Variants in LRRC4C observed in about 807,000 individuals in gnomAD.
The protein encoded by LRRC4C is leucine rich repeat containing 4C, also known as leucine-rich repeat-containing protein 4C.
Under a neutral mutation model 33.6 loss-of-function variants are expected in LRRC4C, and 5 were observed. That is an observed-to-expected ratio of 0.15 (90% confidence interval 0.08 to 0.31). The LOEUF (loss-of-function observed/expected upper bound fraction) is 0.31, where lower values mean the gene tolerates loss of function less well. Among genes scored for constraint, LRRC4C ranks in the 10% least tolerant of loss-of-function variants. The pLI, the probability that LRRC4C is intolerant of heterozygous loss-of-function variation, is 1.00. For synonymous variants in LRRC4C, 329 were observed against 302.0 expected (o/e 1.09, Z -0.93); for missense variants, 560 against 796.7 (o/e 0.70, Z 3.58).
intron 3 of LRRC4C, among the ~76,000 whole-genome samples, chr11:40,458,920 T>C (rs1040986299): frequency 6.6e-6 from 1 of 152,028 alleles, no homozygotes; most frequent in African/African-American, 2.4e-5. Context: ...GTTAATCAGT[T>C]AAGTTCTTTG....
chr11:40,154,043 G>A (rs1391874185), intron 5 of LRRC4C, among the ~76,000 whole-genome samples: 10 of 152,064 alleles, frequency 6.6e-5, no homozygotes, highest in Admixed American at 6.5e-4. Flanking sequence ...GAGGCACCAG[G>A]TAACCTATAA....
intron 2 of LRRC4C, among the ~76,000 whole-genome samples, chr11:40,911,876 G>A (rs923201338): frequency 2.4e-4 from 37 of 152,130 alleles, no homozygotes; most frequent in African/African-American, 7.2e-4. Context: ...TGAAAACCAC[G>A]GCACAAGAAC....
At chr11:40,842,150 C>T (rs1044562113) in intron 2 of LRRC4C, among the ~76,000 whole-genome samples, 1 of 152,174 alleles carries the variant, frequency 6.6e-6, no homozygotes, top group South Asian at 2.1e-4. Flanking sequence ...TTATCACTTA[C>T]ACCTGTTTGT....
At position 41,291,554 on chromosome 11, in the gene LRRC4C, A is replaced by C. The variant is rs75482370; in HGVS notation, c.-496+167877T>G. Among the ~76,000 whole-genome samples, 1,444 of 152,282 alleles carry C rather than the reference A, an allele frequency of 9.5e-3. 27 individuals carry two copies. The highest frequency in any genetic ancestry group is 0.025 in the African/African-American group (1,021 of 41,568). ...ATTTGGAGCTGGTCCTAACAATGGGAGAAGAAATATGGATAGAAATTGATT... is the reference window on the plus strand; with the variant it reads ...ATTTGGAGCTGGTCCTAACAATGGGCGAAGAAATATGGATAGAAATTGATT... On this transcript the variant is annotated intron_variant, in intron 1 of 6. Coordinates refer to ENST00000528697, the MANE Select transcript of LRRC4C (RefSeq NM_001258419.2).
At chr11:40,476,339 C>CTTCT (rs1555074954) in intron 3 of LRRC4C, among the ~76,000 whole-genome samples, 28,657 of 118,202 alleles carry the variant, frequency 0.24, 3,776 homozygotes, top group East Asian at 0.47. Context: ...CATTTTTTTT[C>CTTCT]TTCTTTTTTT....
chr11:40,256,756 T>G (rs1565194221), intron 4 of LRRC4C, among the ~76,000 whole-genome samples: 1 of 152,190 alleles, frequency 6.6e-6, no homozygotes. Flanking sequence ...CTTTCTTATC[T>G]TTACAGCCAG....
intron 2 of LRRC4C, among the ~76,000 whole-genome samples, chr11:40,836,569 T>A (rs1952676432): frequency 1.3e-5 from 2 of 152,168 alleles, no homozygotes; most frequent in South Asian, 4.1e-4. Flanking sequence ...CATTTCAGAT[T>A]TCTAAGCAAA....
chr11:40,343,004 C>A (rs1440821057), intron 3 of LRRC4C, among the ~76,000 whole-genome samples: 1 of 151,936 alleles, frequency 6.6e-6, no homozygotes, highest in East Asian at 1.9e-4. Flanking sequence ...CTCTAACTTG[C>A]TACCGCATTT....
chr11:41,245,437 C>T (rs1014526180), intron 1 of LRRC4C, among the ~76,000 whole-genome samples: 1 of 152,194 alleles, frequency 6.6e-6, no homozygotes, highest in African/African-American at 2.4e-5. Flanking sequence ...GCATGGCAGG[C>T]AGCTCCAGGC....
intron 1 of LRRC4C, among the ~76,000 whole-genome samples, chr11:41,414,091 T>C (rs1479959968): frequency 1.3e-5 from 2 of 152,116 alleles, no homozygotes; most frequent in African/African-American, 2.4e-5. Flanking sequence ...CATTCTCACC[T>C]GTAAAAGCAG....
intron 5 of LRRC4C, among the ~76,000 whole-genome samples, chr11:40,161,318 T>C (rs751589490): frequency 6.6e-6 from 1 of 152,248 alleles, no homozygotes; most frequent in Non-Finnish European, 1.5e-5. Context: ...ATAAAATGTT[T>C]ACTTGAGACT....
chr11:40,775,481 G>A (rs1474809558), intron 2 of LRRC4C, among the ~76,000 whole-genome samples: 3 of 151,210 alleles, frequency 2.0e-5, no homozygotes, highest in Non-Finnish European at 2.9e-5. Flanking sequence ...ACTTAACTCT[G>A]TCCTTGCATG....
At chr11:40,439,844 G>C (rs1048117391) in intron 3 of LRRC4C, among the ~76,000 whole-genome samples, 1 of 152,156 alleles carries the variant, frequency 6.6e-6, no homozygotes, top group African/African-American at 2.4e-5. Flanking sequence ...ACATGACCCA[G>C]GCCCTACAAC....
intron 1 of LRRC4C, among the ~76,000 whole-genome samples, chr11:41,145,246 A>G (rs1260434805): frequency 6.6e-6 from 1 of 152,098 alleles, no homozygotes; most frequent in Non-Finnish European, 1.5e-5. Context: ...ACACTTTTAA[A>G]CCTTTGACCC....
intron 1 of LRRC4C, among the ~76,000 whole-genome samples, chr11:41,395,298 C>G (rs1398063986): frequency 6.6e-6 from 1 of 151,922 alleles, no homozygotes; most frequent in Non-Finnish European, 1.5e-5. Context: ...GAGTTGTGTC[C>G]TAGCAAATTT....
chr11:41,037,370 C>T (rs969686050), intron 1 of LRRC4C, among the ~76,000 whole-genome samples: 5 of 151,506 alleles, frequency 3.3e-5, no homozygotes, highest in African/African-American at 9.7e-5. Context: ...GACCAAGTCT[C>T]ACTCTGTCAC....
At chr11:40,885,504 A>ATT (rs1304880375) in intron 2 of LRRC4C, among the ~76,000 whole-genome samples, 1 of 151,992 alleles carries the variant, frequency 6.6e-6, no homozygotes, top group Non-Finnish European at 1.5e-5. Context: ...TAGTTCATCC[A>ATT]TTTTCATCCT....
At chr11:40,318,729 T>G (rs1235651409) in intron 4 of LRRC4C, among the ~76,000 whole-genome samples, 3 of 152,160 alleles carry the variant, frequency 2.0e-5, no homozygotes, top group Non-Finnish European at 4.4e-5. Flanking sequence ...CACCTGCTCT[T>G]TACAGAATAA....
intron 1 of LRRC4C, among the ~76,000 whole-genome samples, chr11:41,125,841 G>A (rs1285638963): frequency 1.3e-5 from 2 of 152,120 alleles, no homozygotes; most frequent in African/African-American, 4.8e-5. Flanking sequence ...TAATTGAAAA[G>A]ACCATTACAT....
Sources: gnomAD v4.1 joint callset for allele counts (sites outside exome capture counted in the v4.1 genomes callset) on GRCh38, gnomAD v4.1.1 for gene constraint, MANE v1.5 for transcripts, NCBI Gene and HGNC (gene_info 2026-07-23, HGNC 2026-07-21) for gene names.